Variants in PITPNC1 observed in about 807,000 individuals in gnomAD.
PITPNC1 encodes the protein cytoplasmic phosphatidylinositol transfer protein 1.
PITPNC1 carries 18 observed loss-of-function variants against 44.7 expected under a neutral mutation model. That is an observed-to-expected ratio of 0.40 (90% CI 0.28 to 0.60). The LOEUF is 0.60. Among genes scored for constraint, PITPNC1 ranks in the 20% least tolerant of loss-of-function variants. PITPNC1 has a pLI of 0.39. For missense variants in PITPNC1, 290 were observed against 418.4 expected (o/e 0.69, Z 2.68); for synonymous variants, 141 against 149.6 (o/e 0.94, Z 0.42).
intron 6 of PITPNC1, among the ~76,000 whole-genome samples, chr17:67,634,578 C>G (rs2144338103): frequency 6.6e-6 from 1 of 152,236 alleles, no homozygotes; most frequent in East Asian, 1.9e-4. Flanking sequence ...GGGTCCCTCC[C>G]TTCAGGACAC....
At chr17:67,494,183 CTTTT>C (rs113078260) in intron 1 of PITPNC1, among the ~76,000 whole-genome samples, 2 of 39,482 alleles carry the variant, frequency 5.1e-5, no homozygotes, top group East Asian at 7.5e-4. Context: ...TTCTTTCTTT[CTTTT>C]TCTTTCTTTC....
At chr17:67,637,059 A>G (rs1445848697) in intron 6 of PITPNC1, among the ~76,000 whole-genome samples, 1 of 152,200 alleles carries the variant, frequency 6.6e-6, no homozygotes, top group Non-Finnish European at 1.5e-5. Context: ...ATGCTAGGTT[A>G]TGCTAGCTCA....
At chr17:67,422,786 ACCT>A (rs532229580) in intron 1 of PITPNC1, among the ~76,000 whole-genome samples, 70 of 152,150 alleles carry the variant, frequency 4.6e-4, no homozygotes, top group African/African-American at 1.7e-3. Flanking sequence ...TGATCTGCCC[ACCT>A]CAGCCTCCCA....
intron 1 of PITPNC1, among the ~76,000 whole-genome samples, chr17:67,520,179 A>C (rs2040307265): frequency 6.6e-6 from 1 of 152,160 alleles, no homozygotes; most frequent in Non-Finnish European, 1.5e-5. Context: ...AGGCTTCACA[A>C]ACAACGGTTC....
At chr17:67,509,959 C>T (rs781627963) in intron 1 of PITPNC1, among the ~76,000 whole-genome samples, 3 of 152,304 alleles carry the variant, frequency 2.0e-5, no homozygotes, top group East Asian at 1.9e-4. Context: ...CGGCTCAAAT[C>T]GGAGACCAAT....
chr17:67,672,411 C>G (rs1235363938), intron 7 of PITPNC1, among the ~76,000 whole-genome samples: 1 of 151,440 alleles, frequency 6.6e-6, no homozygotes, highest in Non-Finnish European at 1.5e-5. Flanking sequence ...CCAGCCTGGC[C>G]AACATGGTGA....
chr17:67,531,329 G>A (rs2040458581), intron 1 of PITPNC1, among the ~76,000 whole-genome samples: 2 of 152,208 alleles, frequency 1.3e-5, no homozygotes, highest in Non-Finnish European at 2.9e-5. Flanking sequence ...CTTCCTGCAA[G>A]CACAGGTGCA....
intron 1 of PITPNC1, among the ~76,000 whole-genome samples, chr17:67,507,732 C>A (rs1023272841): frequency 1.4e-5 from 2 of 147,590 alleles, no homozygotes; most frequent in Admixed American, 1.4e-4. Flanking sequence ...TTATTGAAGG[C>A]TGGGAGACCA....
intron 1 of PITPNC1, among the ~76,000 whole-genome samples, chr17:67,512,028 T>A (rs11079695): frequency 6.6e-6 from 1 of 151,986 alleles, no homozygotes; most frequent in Non-Finnish European, 1.5e-5. Flanking sequence ...ATTGCTGTTC[T>A]CTGCCTGCCA....
At chr17:67,672,337 T>C (rs950418170) in intron 7 of PITPNC1, among the ~76,000 whole-genome samples, 4 of 152,072 alleles carry the variant, frequency 2.6e-5, no homozygotes, top group Non-Finnish European at 4.4e-5. Flanking sequence ...GGTTCACACC[T>C]GTAATCCCAG....
chr17:67,453,314 C>CT (rs1209924601), intron 1 of PITPNC1, among the ~76,000 whole-genome samples: 3 of 152,132 alleles, frequency 2.0e-5, no homozygotes, highest in South Asian at 4.2e-4. Context: ...CTAAGTTTTA[C>CT]TTTTTTTTCC....
chr17:67,449,854 TA>T (rs1202050368), intron 1 of PITPNC1, among the ~76,000 whole-genome samples: 2 of 152,340 alleles, frequency 1.3e-5, no homozygotes, highest in East Asian at 3.9e-4. Flanking sequence ...GCTCAGATTT[TA>T]AAAAAATTCT....
intron 1 of PITPNC1, among the ~76,000 whole-genome samples, chr17:67,474,397 G>A (rs755295794): frequency 6.6e-6 from 1 of 152,256 alleles, no homozygotes; most frequent in Non-Finnish European, 1.5e-5. Context: ...CTAGAGTAAC[G>A]TTTCTCAACC....
At chr17:67,511,671 G>A (rs1292101979) in intron 1 of PITPNC1, among the ~76,000 whole-genome samples, 1 of 152,048 alleles carries the variant, frequency 6.6e-6, no homozygotes, top group Non-Finnish European at 1.5e-5. Context: ...ACCACGCCCA[G>A]CTAATTTTTG....
chr17:67,459,152 T>TTGTCGCC (rs1309463718), intron 1 of PITPNC1, among the ~76,000 whole-genome samples: 2 of 148,372 alleles, frequency 1.3e-5, no homozygotes, highest in East Asian at 3.9e-4. Context: ...AGTTTTGCTC[T>TTGTCGCC]TGTCGCCCAG....
chr17:67,446,236 C>T (rs2039092381), intron 1 of PITPNC1, among the ~76,000 whole-genome samples: 1 of 151,948 alleles, frequency 6.6e-6, no homozygotes, highest in African/African-American at 2.4e-5. Context: ...TGAGCCACCA[C>T]ACCCAGCCTT....
intron 1 of PITPNC1, among the ~76,000 whole-genome samples, chr17:67,480,219 A>C (rs2039684304): frequency 6.6e-6 from 1 of 152,210 alleles, no homozygotes; most frequent in African/African-American, 2.4e-5. Context: ...TCTAACGATG[A>C]AACATGAATG....
At chr17:67,679,215 C>A (rs2042658150) in intron 8 of PITPNC1, among the ~76,000 whole-genome samples, 1 of 152,334 alleles carries the variant, frequency 6.6e-6, no homozygotes, top group African/African-American at 2.4e-5. Context: ...CAGGGCCAAC[C>A]ACACTCCAGC....
In PITPNC1 at chr17:67,563,983, G is replaced by C. The variant is rs2040939589; in HGVS notation, c.294+10366G>C. On this transcript the variant is annotated intron_variant, in intron 4 of 8. Transcript: ENST00000581322. ...GATTGATAGATATTAATAGATAAGA[G>C]AGATGGATAGATAGATTAGCTAGAT... Among the ~76,000 whole-genome samples, 4 of 152,038 alleles carry C rather than the reference G, an allele frequency of 2.6e-5. No individual in the cohort carries two copies. In the South Asian group the frequency reaches 8.3e-4, roughly 32 times the overall value.
Sources: gnomAD v4.1 joint callset for allele counts (sites outside exome capture counted in the v4.1 genomes callset) on GRCh38, gnomAD v4.1.1 for gene constraint, MANE v1.5 for transcripts, NCBI Gene and HGNC (gene_info 2026-07-23, HGNC 2026-07-21) for gene names.